The following PTPRT variants were observed in gnomAD, a reference collection of about 807,000 sequenced individuals.
The protein encoded by PTPRT is receptor-type tyrosine-protein phosphatase T.
A neutral mutation model predicts 176.8 loss-of-function variants in PTPRT; 56 were observed. The observed-to-expected ratio is 0.32, with a 90% CI of 0.26 to 0.40. PTPRT has a LOEUF of 0.40. Among genes scored for constraint, PTPRT ranks in the 10% least tolerant of loss-of-function variants. PTPRT has a pLI of 1.00. For synonymous variants in PTPRT, 783 were observed against 739.0 expected (o/e 1.06, Z -0.96); for missense variants, 1,540 against 1,908.2 (o/e 0.81, Z 3.60).
rs140181776 is a variant in PTPRT, at chr20:43,113,386, C to G, written c.88+76260G>C. Among the ~76,000 whole-genome samples the G allele has an allele frequency of 5.1e-3, 770 of 152,340 alleles. 5 individuals carry two copies. The highest frequency in any genetic ancestry group is 0.017 in the African/African-American group (717 of 41,588). On this transcript the variant is annotated intron_variant, in intron 1 of 30. Transcript: ENST00000373187. ...TTAATAATTATTTTAACTTTGCTAA[C>G]AGAAACATCTTTTCACTTTTCATAA...
intron 9 of PTPRT, among the ~76,000 whole-genome samples, chr20:42,400,156 T>C (rs560912831): frequency 6.6e-6 from 1 of 152,010 alleles, no homozygotes; most frequent in South Asian, 2.1e-4. Flanking sequence ...TTTTTCTTTT[T>C]ACTAAAGAGA....
At position 43,098,384 on chromosome 20, in the gene PTPRT, G is replaced by C. The variant is rs535998267; in HGVS notation, c.88+91262C>G. Among the ~76,000 whole-genome samples the C allele has an allele frequency of 1.2e-4, 18 of 152,178 alleles. No homozygotes were observed. In the East Asian group the frequency reaches 2.7e-3, roughly 23 times the overall value. ...CCTCATCTGTAAAATGGATATAACTGAACTTCCCAGGATCATTTTGTACAT... is the reference window on the plus strand; with the variant it reads ...CCTCATCTGTAAAATGGATATAACTCAACTTCCCAGGATCATTTTGTACAT... On this transcript the variant is annotated intron_variant, in intron 1 of 30. Coordinates refer to ENST00000373187, the MANE Select transcript of PTPRT (RefSeq NM_007050.6).
chr20:42,855,896 C>T (rs7263412), intron 2 of PTPRT, among the ~76,000 whole-genome samples: 193 of 152,244 alleles, frequency 1.3e-3, no homozygotes, highest in African/African-American at 4.2e-3. Context: ...GACTCCTTCC[C>T]TAAATCCCTT....
At chr20:42,227,474 C>A (rs915881698) in intron 15 of PTPRT, among the ~76,000 whole-genome samples, 1 of 152,032 alleles carries the variant, frequency 6.6e-6, no homozygotes, top group Non-Finnish European at 1.5e-5. Flanking sequence ...CTTTGCCTAC[C>A]GATTGGGGTC....
At chr20:42,297,500 A>G (rs2057404455) in intron 12 of PTPRT, among the ~76,000 whole-genome samples, 1 of 152,222 alleles carries the variant, frequency 6.6e-6, no homozygotes, top group African/African-American at 2.4e-5. Context: ...TCCCAGAATT[A>G]CTAATAGACT....
At chr20:43,153,134 G>A (rs1359902971) in intron 1 of PTPRT, among the ~76,000 whole-genome samples, 6 of 152,118 alleles carry the variant, frequency 3.9e-5, no homozygotes, top group Non-Finnish European at 5.9e-5. Flanking sequence ...CATGTTGAAG[G>A]CACACAACAG....
At chr20:42,187,081 A>C (rs1270788886) in intron 16 of PTPRT, among the ~76,000 whole-genome samples, 1 of 152,138 alleles carries the variant, frequency 6.6e-6, no homozygotes, top group Non-Finnish European at 1.5e-5. Context: ...AACAGAGATG[A>C]ATCACAGGTT....
chr20:42,767,446 G>A (rs2076998512), intron 5 of PTPRT, among the ~76,000 whole-genome samples: 1 of 151,918 alleles, frequency 6.6e-6, no homozygotes, highest in Admixed American at 6.6e-5. Flanking sequence ...TTACACCACT[G>A]CCATTCCTGG....
chr20:42,128,976 C>T (rs1433718830), intron 18 of PTPRT, 146 bp from the exon 19 acceptor site: 1 of 533,052 alleles, frequency 1.9e-6, no homozygotes, highest in Middle Eastern at 2.9e-4. Context: ...TCAGTTACTG[C>T]TCCCATTTAT....
chr20:42,797,761 G>A (rs35153617), intron 2 of PTPRT, among the ~76,000 whole-genome samples: 61,323 of 151,854 alleles, frequency 0.4, 14,183 homozygotes, highest in East Asian at 0.53. Context: ...GGGTCCTTTA[G>A]GTAGACAAGG....
intron 1 of PTPRT, among the ~76,000 whole-genome samples, chr20:42,991,718 A>T (rs544895644): frequency 9.5e-4 from 145 of 152,318 alleles, no homozygotes; most frequent in Non-Finnish European, 1.5e-3. Flanking sequence ...GGTAAGTTTT[A>T]TGTTATGTCT....
chr20:42,944,681 C>T (rs533117415), intron 1 of PTPRT, among the ~76,000 whole-genome samples: 2 of 152,180 alleles, frequency 1.3e-5, no homozygotes, highest in Non-Finnish European at 2.9e-5. Context: ...GAAGGAGGTA[C>T]CTTCTCTTCC....
intron 7 of PTPRT, among the ~76,000 whole-genome samples, chr20:42,542,107 G>C (rs1242407303): frequency 6.6e-6 from 1 of 152,192 alleles, no homozygotes; most frequent in Non-Finnish European, 1.5e-5. Flanking sequence ...CACAAGGTAA[G>C]TTGTGTCTTT....
At chr20:43,167,726 A>T (rs918494198) in intron 1 of PTPRT, among the ~76,000 whole-genome samples, 2 of 152,190 alleles carry the variant, frequency 1.3e-5, no homozygotes, top group Non-Finnish European at 2.9e-5. Context: ...TATGTTAGAA[A>T]GGTCCATGTG....
chr20:42,821,135 T>C (rs2077885991), intron 2 of PTPRT, among the ~76,000 whole-genome samples: 1 of 152,214 alleles, frequency 6.6e-6, no homozygotes, highest in Non-Finnish European at 1.5e-5. Context: ...CCAATATCCC[T>C]GATAAACATC....
At chr20:42,837,685 G>A (rs759930928) in intron 2 of PTPRT, among the ~76,000 whole-genome samples, 41 of 152,222 alleles carry the variant, frequency 2.7e-4, no homozygotes, top group Non-Finnish European at 4.8e-4. Context: ...GGTCCTCAGA[G>A]CCTATTCCAG....
chr20:42,570,634 C>T, intron 7 of PTPRT, among the ~76,000 whole-genome samples: 1 of 152,030 alleles, frequency 6.6e-6, no homozygotes, highest in East Asian at 1.9e-4. Context: ...CTCTTGGTAC[C>T]TGAATTGGTC....
intron 7 of PTPRT, among the ~76,000 whole-genome samples, chr20:42,600,373 C>T (rs931967520): frequency 1.3e-5 from 2 of 152,216 alleles, no homozygotes; most frequent in African/African-American, 4.8e-5. Context: ...CTCCTGACTT[C>T]AAGTGATCTG....
chr20:42,602,541 A>G lies in PTPRT; in HGVS notation c.1153+75325T>C, dbSNP rs112905309. On this transcript the variant is annotated intron_variant, in intron 7 of 30. Transcript: ENST00000373187. ...TGAGGGAAATGCTGTCAATATCTCT[A>G]TGTTTCAGAGGGGAGATCTGAGGCA... Among the ~76,000 whole-genome samples the G allele has an allele frequency of 3.9e-3, 588 of 152,262 alleles. 4 individuals are homozygous for G. Among genetic ancestry groups the G allele is most frequent in the African/African-American group, 0.013 (552 of 41,548 alleles).
Sources: allele counts gnomAD v4.1 joint callset (sites outside exome capture counted in the v4.1 genomes callset), GRCh38; gene constraint gnomAD v4.1.1; transcripts MANE v1.5; gene names NCBI Gene and HGNC (gene_info 2026-07-23, HGNC 2026-07-21).